The following CC2D2A variants were observed in gnomAD, a reference collection of about 807,000 sequenced individuals.
CC2D2A encodes the protein coiled-coil and C2 domain containing 2A.
Under a neutral mutation model 212.9 loss-of-function variants are expected in CC2D2A, and 155 were observed. The observed-to-expected ratio is 0.73, with a 90% CI of 0.64 to 0.83. The LOEUF (loss-of-function observed/expected upper bound fraction) is 0.83, where lower values mean the gene tolerates loss of function less well. Among genes scored for constraint, CC2D2A ranks in the 40% least tolerant of loss-of-function variants. The pLI, the probability that CC2D2A is intolerant of heterozygous loss-of-function variation, is 0.00. For missense variants in CC2D2A, 1,856 were observed against 1,956.2 expected (o/e 0.95, Z 0.97); for synonymous variants, 667 against 686.5 (o/e 0.97, Z 0.44).
At position 15,535,320 on chromosome 4, in the gene CC2D2A, G is replaced by A. The variant is rs946802372; in HGVS notation, c.1608-1600G>A. Among the ~76,000 whole-genome samples, 8 of 147,880 alleles carry A rather than the reference G, an allele frequency of 5.4e-5. No individual in the cohort carries two copies. In the South Asian group the frequency reaches 6.6e-4, roughly 12 times the overall value. On this transcript the variant is annotated intron_variant, in intron 14 of 36. Coordinates refer to ENST00000424120, the MANE Select transcript of CC2D2A (RefSeq NM_001378615.1). ...CTGCTGCTAACTCTCCCTCCATCCCGCCCATCATCCCTGCTGCTAACTCTC... is the reference window on the plus strand; with the variant it reads ...CTGCTGCTAACTCTCCCTCCATCCCACCCATCATCCCTGCTGCTAACTCTC...
chr4:15,564,361 G>A, intron 24 of CC2D2A: 1 of 152,120 alleles, frequency 6.6e-6, no homozygotes. Context: ...CAATGCACCT[G>A]GCGTGAAACT....
At chr4:15,570,562 C>A in intron 28 of CC2D2A, 66 bp downstream of exon 28, 1 of 1,201,046 alleles carries the variant, frequency 8.3e-7, no homozygotes, top group Non-Finnish European at 1.2e-6. Flanking sequence ...CCTATTAAAA[C>A]GTTCTTTGTG....
chr4:15,526,138 A>C (rs1577348879), intron 11 of CC2D2A, among the ~76,000 whole-genome samples: 1 of 152,308 alleles, frequency 6.6e-6, no homozygotes, highest in Non-Finnish European at 1.5e-5. Flanking sequence ...TCATGCTTTT[A>C]GATCCTAGGG....
intron 30 of CC2D2A, among the ~76,000 whole-genome samples, chr4:15,583,497 A>AT (rs1720736066): frequency 6.6e-6 from 1 of 152,232 alleles, no homozygotes; most frequent in Non-Finnish European, 1.5e-5. Flanking sequence ...AGTTGCAGGA[A>AT]ACAAAATCAA....
intron 4 of CC2D2A, chr4:15,482,427 T>C (rs1714735824): frequency 4.0e-6 from 2 of 498,906 alleles, no homozygotes; most frequent in Middle Eastern, 1.0e-3. Context: ...TCTGAGATCA[T>C]GGTGCCAGCA....
chr4:15,511,329 A>G lies in CC2D2A; in HGVS notation c.623A>G (p.Glu208Gly), dbSNP rs756813680. The G allele has an allele frequency of 6.2e-7, 1 of 1,600,924 alleles. No individual in the cohort carries two copies. The highest frequency in any genetic ancestry group is 8.5e-7 in the Non-Finnish European group (1 of 1,175,412). The change falls in exon 8 of 37, where the codon GAA becomes GGA. Residue 208 changes from glutamate (E) to glycine (G), a missense_variant. Glu to Gly is a moderately conservative substitution (Grantham distance 98). This residue lies in a region of CC2D2A where 1,512 missense variants were observed against 1,579.3 expected (regional missense o/e 0.96). Transcript: ENST00000424120. ...GATCCCGAACCAGAAGGATCAGAGG[A>G]AAAACCAAAAGCAAGACATAGAGCG... ...NFDPEPEGSE[E>G]KPKARHRAGT...
At chr4:15,592,016 C>T (rs1577400815) in intron 33 of CC2D2A, among the ~76,000 whole-genome samples, 2 of 152,320 alleles carry the variant, frequency 1.3e-5, no homozygotes, top group East Asian at 3.9e-4. Flanking sequence ...AGGACCTCCT[C>T]CTGGCTTTGT....
intron 4 of CC2D2A, among the ~76,000 whole-genome samples, chr4:15,493,595 C>G (rs1324790753): frequency 6.6e-6 from 1 of 152,128 alleles, no homozygotes; most frequent in Non-Finnish European, 1.5e-5. Context: ...AACTGCAATT[C>G]ACCCCTCCCT....
At chr4:15,572,783 G>A (rs1194870500) in intron 28 of CC2D2A, among the ~76,000 whole-genome samples, 1 of 152,112 alleles carries the variant, frequency 6.6e-6, no homozygotes, top group Non-Finnish European at 1.5e-5. Flanking sequence ...GAGGAGCAAG[G>A]AAGCCAATCC....
At chr4:15,596,042 A>G (rs1326320514) in intron 33 of CC2D2A, 43 bp from the exon 34 acceptor site, 12 of 1,466,808 alleles carry the variant, frequency 8.2e-6, no homozygotes, top group Non-Finnish European at 1.0e-5. Context: ...ATGTGCATGT[A>G]TACATGCTAA....
At chr4:15,500,228 T>A (rs962021918) in intron 4 of CC2D2A, among the ~76,000 whole-genome samples, 1 of 151,784 alleles carries the variant, frequency 6.6e-6, no homozygotes, top group African/African-American at 2.4e-5. Context: ...TCAGGTGCCA[T>A]AGATCAGATC....
In CC2D2A at chr4:15,477,109, C is replaced by T. The variant is rs186199205; in HGVS notation, c.39+1138C>T. Among the ~76,000 whole-genome samples the T allele has an allele frequency of 6.6e-5, 10 of 152,164 alleles. No homozygotes were observed. The East Asian group carries it at 1.7e-3, about 27-fold the overall frequency. On this transcript the variant is annotated intron_variant, in intron 2 of 36. Transcript: ENST00000424120. ...CCTGAGGTTGGGAGTTCGAGACCAGCCTGACCAACATGGAGAAACCCCATC... is the reference window on the plus strand; with the variant it reads ...CCTGAGGTTGGGAGTTCGAGACCAGTCTGACCAACATGGAGAAACCCCATC...
At chr4:15,576,129 G>GAA (rs1430716373) in intron 29 of CC2D2A, among the ~76,000 whole-genome samples, 1 of 152,228 alleles carries the variant, frequency 6.6e-6, no homozygotes, top group Non-Finnish European at 1.5e-5. Flanking sequence ...TGTGGCTGTA[G>GAA]AAAGCATTTA....
intron 17 of CC2D2A, among the ~76,000 whole-genome samples, chr4:15,549,671 TG>T (rs1272681347): frequency 6.6e-6 from 1 of 152,090 alleles, no homozygotes; most frequent in Non-Finnish European, 1.5e-5. Context: ...GGCGTGGTGG[TG>T]GGCGCCTGTA....
intron 18 of CC2D2A, among the ~76,000 whole-genome samples, chr4:15,552,539 C>G (rs1719058020): frequency 6.6e-6 from 1 of 152,198 alleles, no homozygotes; most frequent in South Asian, 2.1e-4. Context: ...CATACAATCT[C>G]TAACATACTA....
At chr4:15,479,157 C>A in intron 3 of CC2D2A, 3 of 1,180,822 alleles carry the variant, frequency 2.5e-6, no homozygotes, top group East Asian at 2.5e-5. Context: ...TGGCAGTACA[C>A]GATTACAAAT....
At chr4:15,556,546 G>A (rs938464238) in intron 20 of CC2D2A, among the ~76,000 whole-genome samples, 17 of 152,244 alleles carry the variant, frequency 1.1e-4, no homozygotes, top group Non-Finnish European at 2.1e-4. Context: ...AGAACAAAAC[G>A]GGGATTGCCT....
At chr4:15,479,400 C>A in intron 3 of CC2D2A, 2 of 1,216,814 alleles carry the variant, frequency 1.6e-6, no homozygotes, top group Non-Finnish European at 2.3e-6. Flanking sequence ...GGGAGCTCTG[C>A]TTGGAACAAT....
intron 22 of CC2D2A, 149 bp from the exon 23 acceptor site, chr4:15,560,382 G>C (rs1047055500): frequency 1.1e-5 from 6 of 532,180 alleles, no homozygotes; most frequent in Non-Finnish European, 2.0e-5. Context: ...TTTACAGCAA[G>C]AGGAGACCAG....
Sources: gnomAD v4.1 joint callset for allele counts (sites outside exome capture counted in the v4.1 genomes callset) on GRCh38, gnomAD v4.1.1 for gene constraint, gnomAD v4.1.1 regional missense constraint, MANE v1.5 for transcripts, NCBI Gene and HGNC (gene_info 2026-07-23, HGNC 2026-07-21) for gene names.